Variants in MAGEA11 observed in about 807,000 individuals in gnomAD.
MAGEA11 encodes MAGE family member A11, also known as melanoma-associated antigen 11.
A neutral mutation model predicts 8.4 loss-of-function variants in MAGEA11; 1 was observed. The observed-to-expected ratio is 0.12, with a 90% CI of 0.04 to 0.57. The LOEUF is 0.57. MAGEA11 is among the 20% of genes least tolerant of loss of function. MAGEA11 has a pLI of 0.91. For synonymous variants in MAGEA11, 127 were observed against 119.3 expected, an observed-to-expected ratio of 1.06 and a Z score of -0.42; for missense variants, 209 against 317.3, an observed-to-expected ratio of 0.66 and a Z score of 2.59.
intron 1 of MAGEA11, among the ~76,000 whole-genome samples, chrX:149,701,284 T>A (rs868960894): frequency 1.8e-3 from 188 of 105,608 alleles, no homozygotes; most frequent in African/African-American, 6.1e-3. Flanking sequence ...GGTATCTCAT[T>A]GTGGTTTTGA....
At chrX:149,692,675 T>C (rs1326099250) in intron 1 of MAGEA11, among the ~76,000 whole-genome samples, 11 of 112,001 alleles carry the variant, frequency 9.8e-5, no homozygotes, top group Admixed American at 7.6e-4. Flanking sequence ...TTCATGCATA[T>C]TGTTCAGTTT....
intron 1 of MAGEA11, among the ~76,000 whole-genome samples, chrX:149,705,197 C>T (rs1425679708): frequency 8.9e-6 from 1 of 112,479 alleles, no homozygotes; most frequent in East Asian, 2.8e-4. Context: ...TGTGTCCCCA[C>T]ACAAATCTCC....
At chrX:149,714,227 A>T in intron 2 of MAGEA11, 1 of 383,832 alleles carries the variant, frequency 2.6e-6, no homozygotes, top group Non-Finnish European at 4.4e-6. Flanking sequence ...TGGCAAGGTC[A>T]CTTGTACCAC....
chrX:149,709,098 A>G (rs2090389020), upstream of MAGEA11, among the ~76,000 whole-genome samples: 1 of 109,456 alleles, frequency 9.1e-6, no homozygotes, highest in South Asian at 4.0e-4. Context: ...CCGTCTGGAC[A>G]ATATGGTGAA....
intron 1 of MAGEA11, among the ~76,000 whole-genome samples, chrX:149,703,859 A>G (rs1304973998): frequency 8.9e-6 from 1 of 112,231 alleles, no homozygotes; most frequent in Non-Finnish European, 1.9e-5. Flanking sequence ...TACAAGTGGC[A>G]TGTTATATGA....
chrX:149,713,027 C>G, intron 1 of MAGEA11, 116 bp from the exon 2 acceptor site: 1 of 483,749 alleles, frequency 2.1e-6, no homozygotes. Context: ...ACAGACAGGG[C>G]TCAGTCCCTG....
At chrX:149,710,645 CT>C (rs2090395854), upstream of MAGEA11, among the ~76,000 whole-genome samples, 1 of 109,436 alleles carries the variant, frequency 9.1e-6, no homozygotes, top group Non-Finnish European at 1.9e-5. Flanking sequence ...TTTTCTTTTT[CT>C]TTCTTTCTTT....
intron 1 of MAGEA11, among the ~76,000 whole-genome samples, chrX:149,697,584 G>A (rs1442690893): frequency 9.1e-6 from 1 of 110,084 alleles, no homozygotes; most frequent in Non-Finnish European, 1.9e-5. Context: ...AGATGCTTTC[G>A]CCCCTACCAG....
At chrX:149,692,125 G>A (rs931501666) in intron 1 of MAGEA11, among the ~76,000 whole-genome samples, 1 of 111,788 alleles carries the variant, frequency 8.9e-6, no homozygotes, top group Non-Finnish European at 1.9e-5. Flanking sequence ...GGAGCTGTAG[G>A]GCCAGGAGCA....
rs368446954 is a variant in MAGEA11, at chrX:149,689,005, A to T, written c.9+21A>T. On this transcript the variant is annotated intron_variant, in intron 1 of 3. Transcript: ENST00000333104. ...GCAAGGTAAGGGAATGTGCATCTGC[A>T]AGGAGGGGTAAGCTGGAGTGGGAAT... 6.4e-4 allele frequency: 650 copies of T among 1,023,014 alleles called. 1 individual carries two copies. The highest frequency in any genetic ancestry group is 8.1e-4 in the Non-Finnish European group (628 of 775,521). The allele number at this position is 1,023,014 out of a possible 1,213,427, so 84.3% of individuals were successfully genotyped here. A position where few individuals can be genotyped will look rare whatever the true frequency, so the allele number is the denominator to read the frequency against.
upstream of MAGEA11, among the ~76,000 whole-genome samples, chrX:149,708,049 T>C (rs1389546393): frequency 3.6e-5 from 4 of 112,603 alleles, no homozygotes; most frequent in Admixed American, 3.8e-4. Context: ...TGGGGAATAT[T>C]TTCTTCCATT....
intron 3 of MAGEA11, 149 bp from the exon 4 acceptor site, chrX:149,715,455 T>A (rs1424443709): frequency 3.6e-5 from 16 of 446,897 alleles, no homozygotes; most frequent in Non-Finnish European, 5.9e-5. Flanking sequence ...CAAGATGAGA[T>A]GTTCACCCTT....
At chrX:149,691,983 A>G (rs1311502765) in intron 1 of MAGEA11, among the ~76,000 whole-genome samples, 4 of 112,915 alleles carry the variant, frequency 3.5e-5, no homozygotes, top group African/African-American at 9.7e-5. Context: ...ATTTCAGCAA[A>G]CAGCAATTCA....
In MAGEA11 at chrX:149,705,145, G is replaced by T. The variant is rs73606297; in HGVS notation, c.10-9336G>T. 5.5e-3 allele frequency among the ~76,000 whole-genome samples: 620 copies of T among 112,722 alleles called. 5 individuals are homozygous for T. Among genetic ancestry groups the T allele is most frequent in the African/African-American group, 0.02 (610 of 31,050 alleles). On this transcript the variant is annotated intron_variant, in intron 1 of 3. Transcript: ENST00000333104. ...CTTATTTGCTCAGGAAAAGCTGACA[G>T]GGTAATTGGCACAGGGAAGAGCTGG...
At chrX:149,688,687 T>TATACACATACAC, upstream of MAGEA11, 1 of 193,163 alleles carries the variant, frequency 5.2e-6, no homozygotes, top group Admixed American at 7.1e-5. Context: ...TACATATACA[T>TATACACATACAC]ATACATATAC....
chrX:149,706,140 G>C lies in MAGEA11; in HGVS notation c.10-8341G>C, dbSNP rs782492801. ...TAAGGCACTATAGATGGATCCAGCA[G>C]GTGATCCTTCTCACACTTTTCCAAA... On this transcript the variant is annotated intron_variant, in intron 1 of 3. Transcript: ENST00000333104. Among the ~76,000 whole-genome samples the C allele has an allele frequency of 1.2e-4, 13 of 111,802 alleles. No homozygotes were observed. The South Asian group carries it at 5.0e-3, about 43-fold the overall frequency.
At chrX:149,713,356 C>A in intron 2 of MAGEA11, 101 bp downstream of exon 2, 1 of 533,387 alleles carries the variant, frequency 1.9e-6, no homozygotes, top group South Asian at 3.3e-5. Context: ...GGGTTGTGGT[C>A]TGAGGAGTGG....
intron 1 of MAGEA11, chrX:149,689,056 T>C: frequency 1.1e-6 from 1 of 902,003 alleles, no homozygotes. Context: ...ATTCAGTAAC[T>C]ATAGATAAAG....
upstream of MAGEA11, among the ~76,000 whole-genome samples, chrX:149,707,482 T>A (rs2090382309): frequency 8.9e-6 from 1 of 112,244 alleles, no homozygotes; most frequent in African/African-American, 3.2e-5. Flanking sequence ...CAGTAAAGTG[T>A]CTTATCCTGC....
Sources: allele counts gnomAD v4.1 joint callset (sites outside exome capture counted in the v4.1 genomes callset), GRCh38; gene constraint gnomAD v4.1.1; transcripts MANE v1.5; gene names NCBI Gene and HGNC (gene_info 2026-07-23, HGNC 2026-07-21).